HMCES: variants seen among roughly 807,000 people sequenced by gnomAD.
HMCES encodes the protein abasic site processing protein HMCES.
HMCES carries 27 observed loss-of-function variants against 35.1 expected under a neutral mutation model. That is an observed-to-expected ratio of 0.77 (90% confidence interval 0.57 to 1.06). The LOEUF (loss-of-function observed/expected upper bound fraction) is 1.06, where lower values mean the gene tolerates loss of function less well. Ranked by LOEUF, HMCES falls within the 50% of genes least tolerant of loss-of-function variation. The pLI is 0.00. For synonymous variants in HMCES, 130 were observed against 154.7 expected (o/e 0.84, Z 1.18); for missense variants, 391 against 430.4 (o/e 0.91, Z 0.81).
rs913048732 is a variant in HMCES, at chr3:129,305,042, G to A, written c.*217G>A. ...GTGTCCTGCTGCTGTTACCAGCCAT[G>A]TGGGCCCCATAGGGGCACTGCGCCT... On this transcript the variant is annotated 3_prime_UTR_variant, in exon 7 of 7. Transcript: ENST00000383463. 3.4e-6 allele frequency: 2 copies of A among 580,038 alleles called. No homozygotes were observed. The highest frequency in any genetic ancestry group is 3.7e-5 in the African/African-American group (2 of 53,536). The allele number at this position is 580,038 out of a possible 1,614,324, so 35.9% of individuals were successfully genotyped here.
At chr3:129,287,488 C>T (rs985592272) in intron 2 of HMCES, among the ~76,000 whole-genome samples, 8 of 151,860 alleles carry the variant, frequency 5.3e-5, no homozygotes, top group Non-Finnish European at 7.4e-5. Context: ...ACTCAGGGTC[C>T]GAGGTTTTTA....
intron 6 of HMCES, 134 bp downstream of exon 6, chr3:129,302,276 C>A: frequency 1.4e-6 from 1 of 705,754 alleles, no homozygotes; most frequent in Non-Finnish European, 2.3e-6. Flanking sequence ...TCCTTGTACA[C>A]AGCAAGGTAG....
intron 5 of HMCES, among the ~76,000 whole-genome samples, chr3:129,300,166 TTATATA>T (rs35145445): frequency 0.22 from 31,397 of 141,160 alleles, 4,982 homozygotes; most frequent in African/African-American, 0.46. Flanking sequence ...ATGTGCATCT[TTATATA>T]TATATATATA....
chr3:129,287,575 G>C (rs1227352942), intron 2 of HMCES, among the ~76,000 whole-genome samples: 2 of 152,134 alleles, frequency 1.3e-5, no homozygotes, highest in African/African-American at 4.8e-5. Context: ...AGGAAAACAG[G>C]TGTTGGCATA....
At chr3:129,303,822 A>G (rs2107701462) in intron 6 of HMCES, among the ~76,000 whole-genome samples, 1 of 151,952 alleles carries the variant, frequency 6.6e-6, no homozygotes, top group African/African-American at 2.4e-5. Context: ...AGTTCACTGC[A>G]GCCTCGAACT....
At chr3:129,287,984 G>T (rs1181453242) in intron 2 of HMCES, among the ~76,000 whole-genome samples, 1 of 152,186 alleles carries the variant, frequency 6.6e-6, no homozygotes, top group Admixed American at 6.5e-5. Context: ...TTAAACCCAG[G>T]AGGCAGAGGT....
At chr3:129,302,858 A>G (rs1052618731) in intron 6 of HMCES, among the ~76,000 whole-genome samples, 19 of 145,494 alleles carry the variant, frequency 1.3e-4, no homozygotes, top group African/African-American at 4.8e-4. Flanking sequence ...CACAAAAAGG[A>G]AAAAAAAAAA....
chr3:129,283,016 C>G (rs1490764152), intron 2 of HMCES, among the ~76,000 whole-genome samples: 1 of 152,074 alleles, frequency 6.6e-6, no homozygotes, highest in Non-Finnish European at 1.5e-5. Context: ...ACAGTTTTGG[C>G]CAGGATAATT....
At position 129,306,096 on chromosome 3, in the gene HMCES, T is replaced by G. The variant is rs2071230952; in HGVS notation, c.*1271T>G. ...GACTGATTTGCGTGGGATTTGGTTGTTTTATTAAGAGATTTAAAAAATTCA... is the reference window on the plus strand; with the variant it reads ...GACTGATTTGCGTGGGATTTGGTTGGTTTATTAAGAGATTTAAAAAATTCA... On this transcript the variant is annotated 3_prime_UTR_variant, in exon 7 of 7. Coordinates refer to ENST00000383463, the MANE Select transcript of HMCES (RefSeq NM_020187.3). 6.7e-6 allele frequency: 1 copy of G among 149,532 alleles called. No homozygotes were observed. The highest frequency in any genetic ancestry group is 2.1e-4 in the South Asian group (1 of 4,836). 9.3% of individuals were successfully genotyped at this position (149,532 alleles called of 1,614,324 possible).
intron 3 of HMCES, 29 bp from the exon 4 acceptor site, chr3:129,290,650 G>A: frequency 1.9e-6 from 3 of 1,606,406 alleles, no homozygotes; most frequent in Non-Finnish European, 2.6e-6. Context: ...GTATCACTAA[G>A]ACCATATCTT....
At chr3:129,303,983 G>A (rs746542590) in intron 6 of HMCES, among the ~76,000 whole-genome samples, 5 of 151,930 alleles carry the variant, frequency 3.3e-5, no homozygotes, top group Non-Finnish European at 7.4e-5. Context: ...GGGCTCAAGC[G>A]ATCTTCCCAC....
intron 4 of HMCES, among the ~76,000 whole-genome samples, chr3:129,294,124 A>G (rs543256813): frequency 6.6e-6 from 1 of 152,012 alleles, no homozygotes; most frequent in Admixed American, 6.6e-5. Flanking sequence ...TTGCCTCTCA[A>G]AAAATGTCTT....
intron 5 of HMCES, among the ~76,000 whole-genome samples, chr3:129,301,476 A>G (rs1252823046): frequency 6.6e-6 from 1 of 152,230 alleles, no homozygotes; most frequent in African/African-American, 2.4e-5. Context: ...TAAACCTAGT[A>G]TATTTTCCTT....
intron 5 of HMCES, among the ~76,000 whole-genome samples, chr3:129,301,146 C>T (rs2071161530): frequency 7.4e-6 from 1 of 135,474 alleles, no homozygotes; most frequent in Admixed American, 8.3e-5. Flanking sequence ...GAGTGGAGAT[C>T]ACGCCACTGC....
intron 3 of HMCES, among the ~76,000 whole-genome samples, chr3:129,290,202 A>G (rs1041155715): frequency 6.6e-6 from 1 of 151,820 alleles, no homozygotes; most frequent in African/African-American, 2.4e-5. Flanking sequence ...AAAAAAAAAA[A>G]AAAAAGAAAA....
rs576467613 is a variant in HMCES, at chr3:129,283,219, T to G, written c.183+3304T>G. ...TTGTCCCGTACTGAGAACCACAGAT[T>G]TTTTCAGTATTGTTGTCTTGCAAAT... On this transcript the variant is annotated intron_variant, in intron 2 of 6. Coordinates refer to ENST00000383463, the MANE Select transcript of HMCES (RefSeq NM_020187.3). Among the ~76,000 whole-genome samples, 3 of 152,230 alleles carry G rather than the reference T, an allele frequency of 2.0e-5. No homozygotes were observed. The East Asian group carries it at 5.8e-4, about 29-fold the overall frequency.
intron 5 of HMCES, 86 bp downstream of exon 5, chr3:129,298,621 AC>A: frequency 8.7e-7 from 1 of 1,149,544 alleles, no homozygotes. Flanking sequence ...AGAGTAGGAA[AC>A]CAAGTCATTT....
chr3:129,298,743 G>A (rs1484817871), intron 5 of HMCES, among the ~76,000 whole-genome samples: 1 of 152,066 alleles, frequency 6.6e-6, no homozygotes, highest in Non-Finnish European at 1.5e-5. Flanking sequence ...GGAAAAGTGG[G>A]GTTAAGGAGA....
intron 4 of HMCES, among the ~76,000 whole-genome samples, chr3:129,296,645 G>C (rs78735349): frequency 0.039 from 5,939 of 152,156 alleles, 181 homozygotes; most frequent in Non-Finnish European, 0.061. Context: ...CAGAGACTGA[G>C]ATTAATAATA....
Sources: gnomAD v4.1 joint callset for allele counts (sites outside exome capture counted in the v4.1 genomes callset) on GRCh38, gnomAD v4.1.1 for gene constraint, MANE v1.5 for transcripts, NCBI Gene and HGNC (gene_info 2026-07-23, HGNC 2026-07-21) for gene names.